RNFT2: variants seen among roughly 807,000 people sequenced by gnomAD.
RNFT2 encodes E3 ubiquitin-protein ligase RNFT2.
Under a neutral mutation model 53.0 loss-of-function variants are expected in RNFT2, and 36 were observed. The observed-to-expected ratio is 0.68, with a 90% CI of 0.52 to 0.90. The LOEUF (loss-of-function observed/expected upper bound fraction) is 0.90, where lower values mean the gene tolerates loss of function less well. RNFT2 is among the 40% of genes least tolerant of loss of function. The pLI, the probability that RNFT2 is intolerant of heterozygous loss-of-function variation, is 0.00. For missense variants in RNFT2, 514 were observed against 585.6 expected (o/e 0.88, Z 1.26); for synonymous variants, 260 against 253.2 (o/e 1.03, Z -0.26).
chr12:116,798,722 A>G (rs2137146507), intron 7 of RNFT2, among the ~76,000 whole-genome samples: 1 of 152,146 alleles, frequency 6.6e-6, no homozygotes, highest in Non-Finnish European at 1.5e-5. Flanking sequence ...GTGTGCCACC[A>G]TGCCCAGCTA....
chr12:116,749,525 C>A (rs1378450592), intron 3 of RNFT2, among the ~76,000 whole-genome samples: 1 of 152,080 alleles, frequency 6.6e-6, no homozygotes, highest in East Asian at 1.9e-4. Flanking sequence ...AGTGATCTTC[C>A]CACCTCTGAC....
chr12:116,800,812 TTAAAATAAAA>T (rs3069310), intron 7 of RNFT2, among the ~76,000 whole-genome samples: 1,423 of 114,856 alleles, frequency 0.012, 30 homozygotes, highest in African/African-American at 0.04. Context: ...AGACTCCATC[TTAAAATAAAA>T]TAAAATAAAA....
At chr12:116,777,063 A>G (rs1873465168) in intron 6 of RNFT2, among the ~76,000 whole-genome samples, 2 of 151,854 alleles carry the variant, frequency 1.3e-5, no homozygotes, top group South Asian at 4.2e-4. Context: ...GACTACAGGC[A>G]TGCACCACCA....
At chr12:116,806,232 T>G (rs377553232) in intron 7 of RNFT2, among the ~76,000 whole-genome samples, 1 of 151,660 alleles carries the variant, frequency 6.6e-6, no homozygotes, top group South Asian at 2.1e-4. Context: ...TAGCCAGGCA[T>G]GGTGGTGCAT....
chr12:116,834,198 A>G (rs1316777556), intron 8 of RNFT2, among the ~76,000 whole-genome samples: 1 of 152,038 alleles, frequency 6.6e-6, no homozygotes, highest in East Asian at 1.9e-4. Context: ...GGCTCACTGC[A>G]ACCTCCACTC....
chr12:116,814,836 GC>G (rs1340157824), intron 7 of RNFT2, among the ~76,000 whole-genome samples: 1 of 152,004 alleles, frequency 6.6e-6, no homozygotes, highest in African/African-American at 2.4e-5. Context: ...GCACCACCAT[GC>G]CCAGCTAAGT....
At chr12:116,837,183 G>C (rs1241057370) in intron 10 of RNFT2, among the ~76,000 whole-genome samples, 1 of 152,068 alleles carries the variant, frequency 6.6e-6, no homozygotes, top group East Asian at 1.9e-4. Context: ...TGACATCAGG[G>C]ACTAGGTGTC....
chr12:116,842,036 C>CA (rs1213577385), intron 10 of RNFT2, among the ~76,000 whole-genome samples: 1 of 146,824 alleles, frequency 6.8e-6, no homozygotes, highest in Non-Finnish European at 1.5e-5. Context: ...GGGCCTCTTA[C>CA]AGGCTGCAGT....
At chr12:116,775,261 CAAAAAAAAA>C (rs5801198) in intron 6 of RNFT2, among the ~76,000 whole-genome samples, 1 of 116,804 alleles carries the variant, frequency 8.6e-6, no homozygotes, top group East Asian at 2.6e-4. Flanking sequence ...ACTCCCGTCT[CAAAAAAAAA>C]AAAAAAAAAG....
At chr12:116,780,885 A>G (rs1481664965) in intron 7 of RNFT2, among the ~76,000 whole-genome samples, 5 of 152,038 alleles carry the variant, frequency 3.3e-5, no homozygotes, top group Non-Finnish European at 4.4e-5. Context: ...TTGGCATCAG[A>G]CACATCTATG....
chr12:116,749,818 G>T, intron 3 of RNFT2, 23 bp from the exon 4 acceptor site: 1 of 1,556,100 alleles, frequency 6.4e-7, no homozygotes, highest in Non-Finnish European at 8.7e-7. Context: ...ACTTCCTGGG[G>T]TTTCTCTCCC....
At chr12:116,772,234 G>A (rs1433642767) in intron 6 of RNFT2, among the ~76,000 whole-genome samples, 3 of 152,142 alleles carry the variant, frequency 2.0e-5, no homozygotes, top group Non-Finnish European at 4.4e-5. Context: ...TGGGAATACT[G>A]GCATGGGCCA....
intron 7 of RNFT2, among the ~76,000 whole-genome samples, chr12:116,809,957 G>C (rs541201868): frequency 6.6e-6 from 1 of 152,142 alleles, no homozygotes; most frequent in African/African-American, 2.4e-5. Context: ...TTGCAGACGT[G>C]AGCCACCGTG....
rs752033014 is a variant in RNFT2, at chr12:116,833,950, G to A, written c.1032+9G>A. On this transcript the variant is annotated intron_variant, in intron 8 of 10. Transcript: ENST00000257575. ...TCTACAGCCTCTGCAAGGTGAGGTG[G>A]CCCCAAGGCTGGAGGGCCGGCCTAA... is the stretch of plus-strand genomic sequence containing the variant. 3.8e-6 allele frequency: 6 copies of A among 1,589,854 alleles called. No homozygotes were observed. Among genetic ancestry groups the A allele is most frequent in the Non-Finnish European group, 5.1e-6 (6 of 1,170,512 alleles).
rs113442296 is a variant in RNFT2, at chr12:116,836,249, C to T, written c.1167C>T (p.Ala389=). 19 of 1,585,492 alleles carry T rather than the reference C, an allele frequency of 1.2e-5. No homozygotes were observed. Among genetic ancestry groups the T allele is most frequent in the South Asian group, 1.0e-4 (9 of 86,644 alleles). Residue 389 remains alanine, a synonymous_variant, in exon 10 of 11, where the codon GCC becomes GCT. Coordinates refer to ENST00000257575, the MANE Select transcript of RNFT2 (RefSeq NM_001382266.1). ...EAGDICAICQ[A]EFREPLILLC... is the part of the protein sequence containing the mutation. ...GTGACATCTGCGCCATCTGTCAGGCCGAGTTCCGAGAGCCTCTGATTCTCC... is the reference window on the plus strand; with the variant it reads ...GTGACATCTGCGCCATCTGTCAGGCTGAGTTCCGAGAGCCTCTGATTCTCC...
intron 5 of RNFT2, among the ~76,000 whole-genome samples, chr12:116,758,902 A>G (rs1189779800): frequency 6.6e-6 from 1 of 152,200 alleles, no homozygotes; most frequent in Non-Finnish European, 1.5e-5. Flanking sequence ...TTGGATGTCT[A>G]GGTCTCTAGC....
intron 7 of RNFT2, among the ~76,000 whole-genome samples, chr12:116,830,625 C>A (rs921977541): frequency 2.6e-5 from 4 of 152,108 alleles, no homozygotes; most frequent in South Asian, 4.1e-4. Flanking sequence ...TGAATCAGGG[C>A]TGGGCGCGGT....
intron 7 of RNFT2, among the ~76,000 whole-genome samples, chr12:116,826,854 G>A (rs922571843): frequency 3.9e-5 from 6 of 152,160 alleles, no homozygotes; most frequent in East Asian, 1.9e-4. Flanking sequence ...ATCTTCTCCC[G>A]TAAGGGGCTT....
At chr12:116,767,056 T>C (rs1334941362) in intron 6 of RNFT2, 142 bp downstream of exon 6, 2 of 599,478 alleles carry the variant, frequency 3.3e-6, no homozygotes, top group Non-Finnish European at 3.0e-6. Flanking sequence ...TTACTACTTA[T>C]ATATATCTAG....
Sources: allele counts gnomAD v4.1 joint callset (sites outside exome capture counted in the v4.1 genomes callset), GRCh38; gene constraint gnomAD v4.1.1; transcripts MANE v1.5; gene names NCBI Gene and HGNC (gene_info 2026-07-23, HGNC 2026-07-21).